CARMIL2: variants seen among roughly 807,000 people sequenced by gnomAD.
CARMIL2 encodes the protein capping protein, Arp2/3 and myosin-I linker protein 2.
CARMIL2 carries 96 observed loss-of-function variants against 173.3 expected under a neutral mutation model. That is an observed-to-expected ratio of 0.55 (90% CI 0.47 to 0.66). The LOEUF (loss-of-function observed/expected upper bound fraction) is 0.66. CARMIL2 is among the 30% of genes least tolerant of loss of function. The pLI is 0.00. For synonymous variants in CARMIL2, 830 were observed against 817.1 expected, an observed-to-expected ratio of 1.02 and a Z score of -0.27; for missense variants, 1,771 against 1,906.7, an observed-to-expected ratio of 0.93 and a Z score of 1.33.
rs375267450 is a variant in CARMIL2 at position 67,648,177 on chromosome 16, G to A, written c.1197G>A (p.Trp399Ter). ...GATGGATGACCGGCAGGGCGGACTG[G>A]AGGGCGGGACGGGGAGGGCTCGGTC... is the stretch of plus-strand genomic sequence containing the variant. Reference protein sequence around the residue: ...VGGWMTGRADWRAGRGGLGPP... With the variant: ...VGGWMTGRAD The change falls in exon 14 of 38, where the codon TGG becomes TGA. Residue 399 changes from tryptophan (W) to a stop codon, truncating the protein, a stop_gained. Transcript: ENST00000334583. LOFTEE classifies it high-confidence loss of function. The surrounding 1 kb of genome is among the most constrained non-coding windows in gnomAD (Gnocchi z 6.1). 16 of 1,610,248 alleles carry A rather than the reference G, an allele frequency of 9.9e-6. No homozygotes were observed. In the African/African-American group the frequency reaches 1.6e-4, roughly 16 times the overall value.
In CARMIL2 at chr16:67,647,907, C is replaced by T; in HGVS notation, c.1020C>T (p.His340=). 1.2e-6 allele frequency: 2 copies of T among 1,611,620 alleles called. No homozygotes were observed. Among genetic ancestry groups the T allele is most frequent in the South Asian group, 1.1e-5 (1 of 90,782 alleles). Residue 340 remains histidine (H), a synonymous_variant, in exon 13 of 38, where the codon CAC becomes CAT. Coordinates refer to ENST00000334583, the MANE Select transcript of CARMIL2 (RefSeq NM_001013838.3). ...TNAAFDSTLT[H]LDLSGNPGAL... is the part of the protein sequence containing the mutation. ...CCGCCTTCGACTCCACCCTGACCCA[C>T]CTGGACCTTTCTGGGAATCCTGGGG...
At position 67,657,488 on chromosome 16, in the gene CARMIL2, A is replaced by G; in HGVS notation, c.4278A>G (p.Thr1426=). ...SPERSPPSPA[T]DQRGGGPNP ...AGCGGAGCCCACCCTCCCCAGCCACAGACCAAAGAGGCGGCGGCCCCAATC... is the reference window on the plus strand; with the variant it reads ...AGCGGAGCCCACCCTCCCCAGCCACGGACCAAAGAGGCGGCGGCCCCAATC... Residue 1426 remains threonine, a synonymous_variant, in exon 38 of 38, where the codon ACA becomes ACG. Transcript: ENST00000334583. The surrounding 1 kb of genome is among the most constrained non-coding windows in gnomAD (Gnocchi z 4.5). The G allele has an allele frequency of 6.2e-7, 1 of 1,612,880 alleles. No individual in the cohort carries two copies. The highest frequency in any genetic ancestry group is 8.5e-7 in the Non-Finnish European group (1 of 1,179,396).
At position 67,648,254 on chromosome 16, in the gene CARMIL2, C is replaced by A; in HGVS notation, c.1274C>A (p.Ser425Tyr). 6.2e-7 allele frequency: 1 copy of A among 1,600,488 alleles called. No individual in the cohort carries two copies. Among genetic ancestry groups the A allele is most frequent in the African/African-American group, 1.3e-5 (1 of 74,852 alleles). ...CCCCCGCAGCTCTTCGCAGCGGTAT[C>A]CCGAGGCTGCTGCACCAGCCTTACC... is the stretch of plus-strand genomic sequence containing the variant. Reference protein sequence around the residue: ...SLPPQLFAAVSRGCCTSLTHL... With the variant: ...SLPPQLFAAVYRGCCTSLTHL... Residue 425 changes from serine (S) to tyrosine (Y), a missense_variant, in exon 14 of 38, where the codon TCC (serine) becomes TAC (tyrosine). Transcript: ENST00000334583. The surrounding 1 kb of genome is among the most constrained non-coding windows in gnomAD (Gnocchi z 6.1).
chr16:67,651,633 C>A lies in CARMIL2; in HGVS notation c.2428-52C>A. 3.2e-6 allele frequency: 5 copies of A among 1,586,608 alleles called. 1 individual carries two copies. In the Admixed American group the frequency reaches 9.0e-5, roughly 29 times the overall value. Reference sequence around the variant, plus strand: ...TGTTGGAGTTGGAGCCTCAAGCCAGCAGCCTGGTGTCTGGCCACATCCTCA... The same window carrying A: ...TGTTGGAGTTGGAGCCTCAAGCCAGAAGCCTGGTGTCTGGCCACATCCTCA... On this transcript the variant is annotated intron_variant, in intron 24 of 37. Transcript: ENST00000334583. The surrounding 1 kb of genome is among the most constrained non-coding windows in gnomAD (Gnocchi z 4.2).
At position 67,648,973 on chromosome 16, in the gene CARMIL2, C is replaced by G; in HGVS notation, c.1590C>G (p.Asn530Lys). 6.2e-7 allele frequency: 1 copy of G among 1,608,396 alleles called. No homozygotes were observed. ...GAVSSLDLAD[N>K]GFGSDMVTLV... ...TGAGCTCCCTGGATCTGGCGGATAA[C>G]GGTGAGGCTGCAGGAGAGCCCATCC... The change falls in exon 17 of 38, where the codon AAC (asparagine) becomes AAG (lysine). Residue 530 changes from asparagine to lysine, a missense_variant and splice_region_variant. Around this residue, in one of 3 missense-constraint regions of CARMIL2, gnomAD observed 944 missense variants for 975.6 expected, o/e 0.97. Transcript: ENST00000334583. The surrounding 1 kb of genome is among the most constrained non-coding windows in gnomAD (Gnocchi z 6.1).
chr16:67,653,307 C>A lies in CARMIL2; in HGVS notation c.3120+53C>A. 1.1e-6 allele frequency: 1 copy of A among 914,042 alleles called. No homozygotes were observed. The highest frequency in any genetic ancestry group is 1.4e-6 in the Non-Finnish European group (1 of 728,740). 56.6% of individuals were successfully genotyped at this position (914,042 alleles called of 1,614,324 possible). ...GCGTGGAATTGGGGATCACGGGTGG[C>A]CCGGCCGCTCCTCATGGGTGGTAGC... On this transcript the variant is annotated intron_variant, in intron 29 of 37. Coordinates refer to ENST00000334583, the MANE Select transcript of CARMIL2 (RefSeq NM_001013838.3). This position sits in a 1 kb window ranked among gnomAD's most constrained non-coding sequence, Gnocchi z 7.4.
In CARMIL2 at chr16:67,654,089, G is replaced by A. The variant is rs1049876176; in HGVS notation, c.3121-60G>A. 5.4e-5 allele frequency: 60 copies of A among 1,110,414 alleles called. 8 individuals are homozygous for A. The highest frequency in any genetic ancestry group is 1.9e-4 in the South Asian group (12 of 63,884). The allele number at this position is 1,110,414 out of a possible 1,614,324, so 68.8% of individuals were successfully genotyped here. On this transcript the variant is annotated intron_variant, in intron 29 of 37. Coordinates refer to ENST00000334583, the MANE Select transcript of CARMIL2 (RefSeq NM_001013838.3). Reference sequence around the variant, plus strand: ...AGTCCAGGCTGCCGGCCGGGGGGGGGGGGGGGTAGAAGCCAGAGTTGCACT... The same window carrying A: ...AGTCCAGGCTGCCGGCCGGGGGGGGAGGGGGGTAGAAGCCAGAGTTGCACT...
rs2052682105 is a variant in CARMIL2 at position 67,649,731 on chromosome 16, G to A, written c.1920-75G>A. 4 of 1,573,812 alleles carry A rather than the reference G, an allele frequency of 2.5e-6. No individual in the cohort carries two copies. Among genetic ancestry groups the A allele is most frequent in the Admixed American group, 1.7e-5 (1 of 58,224 alleles). On this transcript the variant is annotated intron_variant, in intron 20 of 37. Transcript: ENST00000334583. This position sits in a 1 kb window ranked among gnomAD's most constrained non-coding sequence, Gnocchi z 6.7. ...CGGAGCAAATGGAGCAGGCTGACGA[G>A]GCGAATGGACTAGGCCGAGGGTTGG...
rs781088396 is a variant in CARMIL2, at chr16:67,646,895, C to T, written c.538-5C>T. 19 of 1,613,698 alleles carry T rather than the reference C, an allele frequency of 1.2e-5. No homozygotes were observed. Among genetic ancestry groups the T allele is most frequent in the Non-Finnish European group, 1.3e-5 (15 of 1,179,892 alleles). ...GCGAACTGTAAGCATCTCCTTCTCA[C>T]CCAGGACGTGGACACCATTTACCAT... is the stretch of plus-strand genomic sequence containing the variant. On this transcript the variant is annotated splice_polypyrimidine_tract_variant and splice_region_variant and intron_variant, in intron 7 of 37. Coordinates refer to ENST00000334583, the MANE Select transcript of CARMIL2 (RefSeq NM_001013838.3). This position sits in a 1 kb window ranked among gnomAD's most constrained non-coding sequence, Gnocchi z 4.6.
At position 67,654,417 on chromosome 16, in the gene CARMIL2, G is replaced by A. The variant is rs546369263; in HGVS notation, c.3307G>A (p.Ala1103Thr). 11 of 1,611,498 alleles carry A rather than the reference G, an allele frequency of 6.8e-6. No homozygotes were observed. The South Asian group carries it at 1.2e-4, about 18-fold the overall frequency. ...GCGAAAGAAGCTGGGCACCCTCTTT[G>A]CCTTCAAGAAGCCTCGTTCAACGCG... ...TLRKKLGTLF[A>T]FKKPRSTRGP... Residue 1103 changes from alanine (A) to threonine (T), a missense_variant, in exon 31 of 38, where the codon GCC becomes ACC. Ala to Thr is a moderately conservative substitution (Grantham distance 58). Around this residue, in one of 3 missense-constraint regions of CARMIL2, gnomAD observed 817 missense variants for 903.5 expected, o/e 0.90. Transcript: ENST00000334583.
Position 67,654,611 on chromosome 16 carries a change from C to G in CARMIL2, c.3501C>G (p.Arg1167=), listed in dbSNP as rs771134496. The G allele has an allele frequency of 2.5e-6, 4 of 1,603,348 alleles. No homozygotes were observed. In the Admixed American group the frequency reaches 6.8e-5, roughly 27 times the overall value. ...SPDPAGRSRP[R]YTRDSKAYSM... ...ACCCTGCCGGCAGGAGCCGACCTCG[C>G]TACACAAGAGATAGCAAGGCCTACT... Residue 1167 remains arginine (R), a synonymous_variant, in exon 31 of 38, where the codon CGC becomes CGG. Transcript: ENST00000334583.
Position 67,652,653 on chromosome 16 carries a change from C to G in CARMIL2, c.2884+115C>G. ...AGCCTTGTCTGGGTACCCACCAGCC[C>G]TTGACTGGGCCAGGTCGGGCCCCTT... is the stretch of plus-strand genomic sequence containing the variant. On this transcript the variant is annotated intron_variant, in intron 28 of 37. Coordinates refer to ENST00000334583, the MANE Select transcript of CARMIL2 (RefSeq NM_001013838.3). The surrounding 1 kb of genome is among the most constrained non-coding windows in gnomAD (Gnocchi z 4.7). 1 of 1,037,506 alleles carries G rather than the reference C, an allele frequency of 9.6e-7. No homozygotes were observed. Among genetic ancestry groups the G allele is most frequent in the Non-Finnish European group, 1.4e-6 (1 of 698,370 alleles). 64.3% of individuals were successfully genotyped at this position (1,037,506 alleles called of 1,614,324 possible).
Position 67,645,282 on chromosome 16 carries a change from C to G in CARMIL2, c.36C>G (p.Leu12=). 6.2e-7 allele frequency: 1 copy of G among 1,604,236 alleles called. No homozygotes were observed. Among genetic ancestry groups the G allele is most frequent in the Non-Finnish European group, 8.5e-7 (1 of 1,176,076 alleles). The change falls in exon 1 of 38, where the codon CTC becomes CTG. Residue 12 remains leucine (L), a synonymous_variant. Transcript: ENST00000334583. ...AQTPDGISCE[L]RGEITRFLWP... ...CCCCCGACGGCATCTCCTGTGAGCTCCGAGGTAAGCGCTGGCCCTTCCTGC... is the reference window on the plus strand; with the variant it reads ...CCCCCGACGGCATCTCCTGTGAGCTGCGAGGTAAGCGCTGGCCCTTCCTGC...
intron 36 of CARMIL2, 94 bp downstream of exon 36, chr16:67,656,975 G>GC: frequency 9.6e-7 from 1 of 1,043,152 alleles, no homozygotes; most frequent in Non-Finnish European, 1.4e-6. Flanking sequence ...CTTGGAGGGA[G>GC]CCACCAGTGT....
Position 67,651,602 on chromosome 16 carries a change from A to C in CARMIL2, c.2428-83A>C. 1 of 1,569,480 alleles carries C rather than the reference A, an allele frequency of 6.4e-7. No homozygotes were observed. Among genetic ancestry groups the C allele is most frequent in the Non-Finnish European group, 8.6e-7 (1 of 1,157,800 alleles). ...TTTAACTGTGATATCCCCTGACTCAATATTCTGTTGGAGTTGGAGCCTCAA... is the reference window on the plus strand; with the variant it reads ...TTTAACTGTGATATCCCCTGACTCACTATTCTGTTGGAGTTGGAGCCTCAA... On this transcript the variant is annotated intron_variant, in intron 24 of 37. Transcript: ENST00000334583. The surrounding 1 kb of genome is among the most constrained non-coding windows in gnomAD (Gnocchi z 4.2).
Position 67,653,286 on chromosome 16 carries a change from G to T in CARMIL2, c.3120+32G>T. On this transcript the variant is annotated intron_variant, in intron 29 of 37. Coordinates refer to ENST00000334583, the MANE Select transcript of CARMIL2 (RefSeq NM_001013838.3). The surrounding 1 kb of genome is among the most constrained non-coding windows in gnomAD (Gnocchi z 7.4). ...ACCCTTCCCCCACTCCGGAGCGCGT[G>T]GAATTGGGGATCACGGGTGGCCCGG... is the stretch of plus-strand genomic sequence containing the variant. 1 of 1,058,864 alleles carries T rather than the reference G, an allele frequency of 9.4e-7. No homozygotes were observed. Among genetic ancestry groups the T allele is most frequent in the African/African-American group, 1.7e-5 (1 of 60,004 alleles). The allele number at this position is 1,058,864 out of a possible 1,614,324, so 65.6% of individuals were successfully genotyped here. A position where few individuals can be genotyped will look rare whatever the true frequency, so the allele number is the denominator to read the frequency against.
chr16:67,656,983 T>C, intron 36 of CARMIL2, 102 bp downstream of exon 36: 2 of 967,274 alleles, frequency 2.1e-6, no homozygotes, highest in Non-Finnish European at 3.0e-6. Context: ...GAGCCACCAG[T>C]GTGTGAGGTC....
At position 67,655,162 on chromosome 16, in the gene CARMIL2, G is replaced by C. The variant is rs552512731; in HGVS notation, c.3705+262G>C. Among the ~76,000 whole-genome samples, 29 of 152,374 alleles carry C rather than the reference G, an allele frequency of 1.9e-4. No homozygotes were observed. In the South Asian group the frequency reaches 6.0e-3, roughly 32 times the overall value. Reference sequence around the variant, plus strand: ...ATCTGAGGCCTGGGCCAGGCGCCATGGCTCACGCCTGTAATCCCGACACTT... The same window carrying C: ...ATCTGAGGCCTGGGCCAGGCGCCATCGCTCACGCCTGTAATCCCGACACTT... On this transcript the variant is annotated intron_variant, in intron 32 of 37. Coordinates refer to ENST00000334583, the MANE Select transcript of CARMIL2 (RefSeq NM_001013838.3).
Position 67,646,523 on chromosome 16 carries a change from G to A in CARMIL2, c.466+6G>A, listed in dbSNP as rs751979632. 3.7e-6 allele frequency: 6 copies of A among 1,612,174 alleles called. No individual in the cohort carries two copies. The Admixed American group carries it at 8.4e-5, about 22-fold the overall frequency. On this transcript the variant is annotated splice_donor_region_variant and intron_variant, in intron 6 of 37. Transcript: ENST00000334583. This position sits in a 1 kb window ranked among gnomAD's most constrained non-coding sequence, Gnocchi z 4.6. ...TGACCCCTGCAGCCCCTGTGGTAAG[G>A]GTGAAGGCAGAGCCACAGGCCTTCC...
Sources: allele counts gnomAD v4.1 joint callset (sites outside exome capture counted in the v4.1 genomes callset), GRCh38; gene constraint gnomAD v4.1.1; regional missense constraint gnomAD v4.1.1; non-coding constraint Gnocchi (gnomAD v3.1); transcripts MANE v1.5; gene names NCBI Gene and HGNC (gene_info 2026-07-23, HGNC 2026-07-21).